Variants in KLHL20 observed in about 807,000 individuals in gnomAD.
KLHL20 encodes kelch like family member 20, also known as kelch-like protein 20.
Under a neutral mutation model 69.5 loss-of-function variants are expected in KLHL20, and 29 were observed. The observed-to-expected ratio is 0.42, with a 90% CI of 0.31 to 0.57. KLHL20 has a LOEUF of 0.57. Among genes scored for constraint, KLHL20 ranks in the 20% least tolerant of loss-of-function variants. The pLI is 0.18. For missense variants in KLHL20, 419 were observed against 776.0 expected, an observed-to-expected ratio of 0.54 and a Z score of 5.47; for synonymous variants, 253 against 265.2, an observed-to-expected ratio of 0.95 and a Z score of 0.45.
At chr1:173,716,203 G>A (rs1671464791) in intron 2 of KLHL20, 137 bp downstream of exon 2, 2 of 732,250 alleles carry the variant, frequency 2.7e-6, no homozygotes, top group Non-Finnish European at 4.4e-6. Context: ...TAAATCAAAA[G>A]TAATATTAAG....
At chr1:173,758,694 G>A (rs976792919) in intron 7 of KLHL20, among the ~76,000 whole-genome samples, 3 of 152,190 alleles carry the variant, frequency 2.0e-5, no homozygotes, top group Admixed American at 6.5e-5. Flanking sequence ...AAATAACAGG[G>A]GTAGAGGAAG....
At chr1:173,741,589 A>G in intron 3 of KLHL20, 1 of 426,394 alleles carries the variant, frequency 2.3e-6, no homozygotes, top group Non-Finnish European at 4.1e-6. Context: ...AGCAAAATAA[A>G]AATTACAAGA....
chr1:173,729,163 A>G (rs2102464548), intron 2 of KLHL20, among the ~76,000 whole-genome samples: 1 of 152,328 alleles, frequency 6.6e-6, no homozygotes, highest in South Asian at 2.1e-4. Flanking sequence ...CCCTCCCTAG[A>G]CTAAACCAGG....
intron 4 of KLHL20, 90 bp from the exon 5 acceptor site, chr1:173,753,123 C>T (rs1673385613): frequency 3.9e-6 from 4 of 1,026,032 alleles, no homozygotes; most frequent in Admixed American, 2.0e-5. Context: ...CAGTGACCTA[C>T]GATCATGCCA....
intron 2 of KLHL20, among the ~76,000 whole-genome samples, chr1:173,726,860 C>T (rs1369076175): frequency 6.6e-6 from 1 of 152,172 alleles, no homozygotes; most frequent in East Asian, 1.9e-4. Context: ...TCCAAAGGAA[C>T]ACAGCTCCTC....
rs1440768574 is a variant in KLHL20 at position 173,757,233 on chromosome 1, AT to A, written c.1151+76del. The stretch of plus-strand genomic sequence containing the variant: ...ATTTGAGATGTTAATTAGGAAACAA[AT>A]TGATTTAATGCTTTAGTATTGCATC... On this transcript the variant is annotated intron_variant, in intron 7 of 11. Coordinates refer to ENST00000209884, the MANE Select transcript of KLHL20 (RefSeq NM_014458.4). The A allele has an allele frequency of 3.6e-6, 5 of 1,371,444 alleles. No individual in the cohort carries two copies. The African/African-American group carries it at 7.2e-5, about 20-fold the overall frequency. 85.0% of individuals were successfully genotyped at this position (1,371,444 alleles called of 1,614,324 possible). A position where few individuals can be genotyped will look rare whatever the true frequency, so the allele number is the denominator to read the frequency against.
intron 2 of KLHL20, among the ~76,000 whole-genome samples, chr1:173,729,870 A>G (rs1672171702): frequency 6.6e-6 from 1 of 152,174 alleles, no homozygotes; most frequent in Non-Finnish European, 1.5e-5. Context: ...TCTGGCCAAG[A>G]CAATCAGGCA....
At chr1:173,715,431 G>A (rs1233524397) in intron 1 of KLHL20, 1 of 152,454 alleles carries the variant, frequency 6.6e-6, no homozygotes, top group Non-Finnish European at 1.5e-5. Context: ...GCGAAATCCT[G>A]CTACGTGGGT....
At position 173,782,107 on chromosome 1, in the gene KLHL20, G is replaced by A. The variant is rs190711297; in HGVS notation, c.1639-17G>A. The A allele has an allele frequency of 7.6e-4, 1,197 of 1,583,424 alleles. 3 individuals carry two copies. In the African/African-American group the frequency reaches 8.0e-3, roughly 11 times the overall value. On this transcript the variant is annotated splice_polypyrimidine_tract_variant and intron_variant, in intron 10 of 11. Coordinates refer to ENST00000209884, the MANE Select transcript of KLHL20 (RefSeq NM_014458.4). The stretch of plus-strand genomic sequence containing the variant: ...TGTCTAGTTTCTTCAGCAGCTTACT[G>A]TATTTTGGTTTTGTAGGTTGGCCTG...
chr1:173,715,768 G>C (rs1671439085), intron 1 of KLHL20: 2 of 421,406 alleles, frequency 4.7e-6, no homozygotes, highest in South Asian at 1.1e-4. Context: ...CCTAACAGTC[G>C]GGACTATTTA....
intron 11 of KLHL20, among the ~76,000 whole-genome samples, chr1:173,782,518 C>T (rs1215119117): frequency 2.6e-5 from 4 of 151,638 alleles, no homozygotes; most frequent in African/African-American, 4.8e-5. Context: ...ACAAAAGCAC[C>T]GAGAAATAAA....
intron 8 of KLHL20, 113 bp downstream of exon 8, chr1:173,766,402 T>C (rs1344712108): frequency 2.3e-6 from 2 of 883,888 alleles, no homozygotes; most frequent in East Asian, 6.3e-5. Flanking sequence ...CCTAGCACTT[T>C]GGAAGGCCAA....
At chr1:173,729,741 G>A (rs2102465455) in intron 2 of KLHL20, among the ~76,000 whole-genome samples, 1 of 151,954 alleles carries the variant, frequency 6.6e-6, no homozygotes, top group East Asian at 1.9e-4. Flanking sequence ...TAAGATCTAT[G>A]ACAAACCCAC....
At chr1:173,744,265 A>G (rs1042127320) in intron 3 of KLHL20, among the ~76,000 whole-genome samples, 2 of 152,088 alleles carry the variant, frequency 1.3e-5, no homozygotes, top group East Asian at 1.9e-4. Context: ...CATCTTTACT[A>G]TTTTTAAGGG....
At chr1:173,741,841 G>A in intron 3 of KLHL20, 1 of 1,588,576 alleles carries the variant, frequency 6.3e-7, no homozygotes, top group Non-Finnish European at 8.5e-7. Context: ...GTAGTTTTGT[G>A]TGTTGGCTGC....
At chr1:173,739,436 TG>T (rs1292279390) in intron 3 of KLHL20, among the ~76,000 whole-genome samples, 1 of 151,930 alleles carries the variant, frequency 6.6e-6, no homozygotes, top group African/African-American at 2.4e-5. Flanking sequence ...ACTTTTTTTT[TG>T]TTAGCAATTT....
At chr1:173,760,634 C>T (rs767370967) in intron 7 of KLHL20, among the ~76,000 whole-genome samples, 4 of 152,106 alleles carry the variant, frequency 2.6e-5, no homozygotes, top group South Asian at 2.1e-4. Context: ...CGTATGTGAA[C>T]GAAAGATAAG....
Position 173,718,076 on chromosome 1 carries a change from G to T in KLHL20, c.23+2010G>T, listed in dbSNP as rs1268984160. On this transcript the variant is annotated intron_variant, in intron 2 of 11. Transcript: ENST00000209884. Reference sequence around the variant, plus strand: ...GTTCATACACAAATGTATATAAGATGTCTTCTCTTTTCACTTTTTTAATTT... The same window carrying T: ...GTTCATACACAAATGTATATAAGATTTCTTCTCTTTTCACTTTTTTAATTT... Among the ~76,000 whole-genome samples, 3 of 152,184 alleles carry T rather than the reference G, an allele frequency of 2.0e-5. No homozygotes were observed. In the East Asian group the frequency reaches 5.9e-4, roughly 30 times the overall value.
chr1:173,759,424 C>G (rs567748409), intron 7 of KLHL20, among the ~76,000 whole-genome samples: 2 of 152,256 alleles, frequency 1.3e-5, no homozygotes, highest in East Asian at 3.9e-4. Flanking sequence ...AGGAGGCCAA[C>G]CAACACAAAA....
Sources: gnomAD v4.1 joint callset for allele counts (sites outside exome capture counted in the v4.1 genomes callset) on GRCh38, gnomAD v4.1.1 for gene constraint, MANE v1.5 for transcripts, NCBI Gene and HGNC (gene_info 2026-07-23, HGNC 2026-07-21) for gene names.